LILRA2: variants seen among roughly 807,000 people sequenced by gnomAD.
The protein encoded by LILRA2 is leukocyte immunoglobulin like receptor A2, also known as leukocyte immunoglobulin-like receptor subfamily A member 2.
Under a neutral mutation model 47.9 loss-of-function variants are expected in LILRA2, and 45 were observed. That is an observed-to-expected ratio of 0.94 (90% confidence interval 0.74 to 1.20). LILRA2 has a LOEUF of 1.20. LILRA2 is among the 50% of genes most tolerant of loss of function. LILRA2 has a pLI of 0.00. For synonymous variants in LILRA2, 279 were observed against 249.2 expected, an observed-to-expected ratio of 1.12 and a Z score of -1.13; for missense variants, 651 against 598.2, an observed-to-expected ratio of 1.09 and a Z score of -0.92.
chr19:54,579,348 C>T (rs2062573942), intron 6 of LILRA2, among the ~76,000 whole-genome samples: 1 of 152,228 alleles, frequency 6.6e-6, no homozygotes, highest in East Asian at 1.9e-4. Context: ...TTTTCTAGCA[C>T]CATTTATTAA....
Position 54,587,492 on chromosome 19 carries a change from G to T in LILRA2, c.*146G>T. The T allele has an allele frequency of 7.6e-7, 1 of 1,314,638 alleles. No homozygotes were observed. The highest frequency in any genetic ancestry group is 2.7e-5 in the Admixed American group (1 of 36,586). 81.4% of individuals were successfully genotyped at this position (1,314,638 alleles called of 1,614,324 possible). A position where few individuals can be genotyped will look rare whatever the true frequency, so the allele number is the denominator to read the frequency against. Reference sequence around the variant, plus strand: ...TCTAGAGACAGCAATCAATATTTGAGTGTAAGGAAACTGTCTGGGGTGATT... The same window carrying T: ...TCTAGAGACAGCAATCAATATTTGATTGTAAGGAAACTGTCTGGGGTGATT... On this transcript the variant is annotated 3_prime_UTR_variant, in exon 8 of 8. Coordinates refer to ENST00000391738, the MANE Select transcript of LILRA2 (RefSeq NM_001130917.3).
intron 3 of LILRA2, 57 bp downstream of exon 3, chr19:54,574,639 C>G (rs45497601): frequency 0.39 from 617,936 of 1,598,480 alleles, 123,907 homozygotes; most frequent in Non-Finnish European, 0.42. Flanking sequence ...AGGGGGTCGG[C>G]TCTCAGGGGC....
intron 6 of LILRA2, 21 bp downstream of exon 6, chr19:54,576,130 C>T (rs2062421413): frequency 6.2e-7 from 1 of 1,612,468 alleles, no homozygotes; most frequent in African/African-American, 1.3e-5. Context: ...TGATCTTGTC[C>T]TCTCCGAGCT....
intron 6 of LILRA2, among the ~76,000 whole-genome samples, chr19:54,579,049 C>G (rs2062563780): frequency 6.6e-6 from 1 of 151,662 alleles, no homozygotes. Context: ...AAAATTTTCT[C>G]CCATTCTGTA....
Position 54,587,055 on chromosome 19 carries a change from C to T in LILRA2, c.1301C>T (p.Thr434Met), listed in dbSNP as rs545819633. The change falls in exon 7 of 8, where the codon ACG becomes ATG. Residue 434 changes from threonine to methionine, a missense_variant. Thr to Met is a moderately conservative substitution (Grantham distance 81). Coordinates refer to ENST00000391738, the MANE Select transcript of LILRA2 (RefSeq NM_001130917.3). ...LSPSQNKTDS[T>M]TTSLGQHPQD... ...CCATCACAAAACAAGACAGACTCCACGACTAGTGAGTGAGGAGATGCTCTC... is the reference window on the plus strand; with the variant it reads ...CCATCACAAAACAAGACAGACTCCATGACTAGTGAGTGAGGAGATGCTCTC... 1.1e-5 allele frequency: 18 copies of T among 1,613,374 alleles called. No individual in the cohort carries two copies. The highest frequency in any genetic ancestry group is 4.4e-5 in the South Asian group (4 of 91,016).
At position 54,586,764 on chromosome 19, in the gene LILRA2, C is replaced by A. The variant is rs1170126607; in HGVS notation, c.1256-246C>A. On this transcript the variant is annotated intron_variant, in intron 6 of 7. Coordinates refer to ENST00000391738, the MANE Select transcript of LILRA2 (RefSeq NM_001130917.3). Reference sequence around the variant, plus strand: ...CTGTATTGGGGACCACTTACCATATCCATGCTGAGCTCCCGGGATGCAGGA... The same window carrying A: ...CTGTATTGGGGACCACTTACCATATACATGCTGAGCTCCCGGGATGCAGGA... Among the ~76,000 whole-genome samples, 548 of 152,204 alleles carry A rather than the reference C, an allele frequency of 3.6e-3. No individual in the cohort carries two copies. The South Asian group carries it at 0.072, about 20-fold the overall frequency.
At chr19:54,574,702 A>C in intron 3 of LILRA2, 29 bp from the exon 4 acceptor site, 3 of 1,610,460 alleles carry the variant, frequency 1.9e-6, no homozygotes, top group Non-Finnish European at 2.5e-6. Flanking sequence ...TGGGAGCCCC[A>C]TTTAACACAG....
intron 6 of LILRA2, among the ~76,000 whole-genome samples, chr19:54,576,315 G>T (rs2062433233): frequency 7.3e-6 from 1 of 136,520 alleles, no homozygotes; most frequent in Non-Finnish European, 1.6e-5. Context: ...ATGAAGGGCT[G>T]GGAGGAGACG....
In LILRA2 at chr19:54,590,132, CCTT is replaced by C. The variant is rs1354207945; in HGVS notation, c.*2787_*2789del. 2 of 152,152 alleles carry C rather than the reference CCTT, an allele frequency of 1.3e-5. No individual in the cohort carries two copies. Among genetic ancestry groups the C allele is most frequent in the African/African-American group, 2.4e-5 (1 of 41,442 alleles). The allele number at this position is 152,152 out of a possible 1,614,324, so 9.4% of individuals were successfully genotyped here. On this transcript the variant is annotated 3_prime_UTR_variant, in exon 8 of 8. Coordinates refer to ENST00000391738, the MANE Select transcript of LILRA2 (RefSeq NM_001130917.3). ...GCAAGTATTTATTGACTAACATACT[CCTT>C]ATTTCCTTCATTCTGAAAGTGTGAC...
intron 6 of LILRA2, chr19:54,577,549 T>C (rs1450909210): frequency 1.6e-6 from 2 of 1,289,686 alleles, no homozygotes; most frequent in East Asian, 1.1e-4. Context: ...TGGGCCTCGG[T>C]GGGATCTGAC....
chr19:54,574,734 C>T lies in LILRA2; in HGVS notation c.356C>T (p.Ala119Val), dbSNP rs762094030. ...ACAGTGCCTCCTTCTCTCCTAGGAG[C>T]CTACAGCAAACCCACCCTCTCAGCT... ...SDPLELVVTG[A>V]YSKPTLSALP... Residue 119 changes from alanine (A) to valine (V), a missense_variant, in exon 4 of 8, where the codon GCC becomes GTC. Transcript: ENST00000391738. 42 of 1,613,918 alleles carry T rather than the reference C, an allele frequency of 2.6e-5. No homozygotes were observed. The highest frequency in any genetic ancestry group is 3.4e-5 in the Non-Finnish European group (40 of 1,179,898).
chr19:54,587,168 A>G, intron 7 of LILRA2, 33 bp from the exon 8 acceptor site: 1 of 1,613,746 alleles, frequency 6.2e-7, no homozygotes, highest in South Asian at 1.1e-5. Context: ...GGTGATTCCG[A>G]TCTGCCCTGA....
At position 54,587,197 on chromosome 19, in the gene LILRA2, C is replaced by T; in HGVS notation, c.1307-4C>T. On this transcript the variant is annotated splice_polypyrimidine_tract_variant and splice_region_variant and intron_variant, in intron 7 of 7. Transcript: ENST00000391738. ...GCCCTGACCTCTGTGACCTCTTTGT[C>T]CAGCATCCCTAGGCCAACACCCCCA... is the stretch of plus-strand genomic sequence containing the variant. 1 of 1,614,012 alleles carries T rather than the reference C, an allele frequency of 6.2e-7. No individual in the cohort carries two copies. Among genetic ancestry groups the T allele is most frequent in the Non-Finnish European group, 8.5e-7 (1 of 1,179,962 alleles).
At chr19:54,585,004 T>G (rs569209315) in intron 6 of LILRA2, among the ~76,000 whole-genome samples, 1 of 152,316 alleles carries the variant, frequency 6.6e-6, no homozygotes, top group East Asian at 1.9e-4. Context: ...CCTTTCTGTT[T>G]GTTAGTTTTC....
At chr19:54,582,385 G>C (rs2062669027) in intron 6 of LILRA2, among the ~76,000 whole-genome samples, 1 of 152,108 alleles carries the variant, frequency 6.6e-6, no homozygotes, top group African/African-American at 2.4e-5. Context: ...GTAGAATTCG[G>C]CTGCGAATCC....
chr19:54,578,354 C>T (rs892177238), intron 6 of LILRA2, among the ~76,000 whole-genome samples: 2 of 152,000 alleles, frequency 1.3e-5, no homozygotes, highest in African/African-American at 4.8e-5. Context: ...GTTCAACTCC[C>T]ATTATGAGTG....
At chr19:54,579,405 G>T (rs1196885117) in intron 6 of LILRA2, among the ~76,000 whole-genome samples, 2 of 152,162 alleles carry the variant, frequency 1.3e-5, no homozygotes, top group East Asian at 3.8e-4. Context: ...GTTTGTCAAA[G>T]ATCAGATGGT....
At position 54,587,710 on chromosome 19, in the gene LILRA2, A is replaced by G. The variant is rs889292956; in HGVS notation, c.*364A>G. The G allele has an allele frequency of 1.9e-5, 5 of 261,566 alleles. No homozygotes were observed. The highest frequency in any genetic ancestry group is 2.2e-5 in the Non-Finnish European group (3 of 134,938). The allele number at this position is 261,566 out of a possible 1,614,324, so 16.2% of individuals were successfully genotyped here. A position where few individuals can be genotyped will look rare whatever the true frequency, so the allele number is the denominator to read the frequency against. Reference sequence around the variant, plus strand: ...AGTCTTCCTTATTCCTCATTGTCACACTCCTTGATGTCACTTACTGAGTCC... The same window carrying G: ...AGTCTTCCTTATTCCTCATTGTCACGCTCCTTGATGTCACTTACTGAGTCC... On this transcript the variant is annotated 3_prime_UTR_variant, in exon 8 of 8. Coordinates refer to ENST00000391738, the MANE Select transcript of LILRA2 (RefSeq NM_001130917.3).
At position 54,575,881 on chromosome 19, in the gene LILRA2, C is replaced by T; in HGVS notation, c.1027C>T (p.Leu343=). ...TVAPGKNVTL[L]CQSRGQFHTF... is the part of the protein sequence containing the mutation. Reference sequence around the variant, plus strand: ...AGCCCCAGGAAAGAACGTGACCCTGCTGTGTCAGTCACGGGGGCAGTTCCA... The same window carrying T: ...AGCCCCAGGAAAGAACGTGACCCTGTTGTGTCAGTCACGGGGGCAGTTCCA... The change falls in exon 6 of 8, where the codon CTG becomes TTG. Residue 343 remains leucine (L), a synonymous_variant. Coordinates refer to ENST00000391738, the MANE Select transcript of LILRA2 (RefSeq NM_001130917.3). 1 of 1,613,890 alleles carries T rather than the reference C, an allele frequency of 6.2e-7. No homozygotes were observed. Among genetic ancestry groups the T allele is most frequent in the Non-Finnish European group, 8.5e-7 (1 of 1,179,872 alleles).
Sources: allele counts gnomAD v4.1 joint callset (sites outside exome capture counted in the v4.1 genomes callset), GRCh38; gene constraint gnomAD v4.1.1; transcripts MANE v1.5; gene names NCBI Gene and HGNC (gene_info 2026-07-23, HGNC 2026-07-21).